The following ANKRD36 variants were observed in gnomAD, a reference collection of about 807,000 sequenced individuals.
ANKRD36 encodes ankyrin repeat domain-containing protein 36A.
In ANKRD36, 179 loss-of-function variants were observed where a neutral mutation model predicts 278.1. The observed-to-expected ratio is 0.64, with a 90% CI of 0.57 to 0.73. ANKRD36 has a LOEUF of 0.73. Ranked by LOEUF, ANKRD36 falls within the 30% of genes least tolerant of loss-of-function variation. The pLI is 0.00. For missense variants in ANKRD36, 1,159 were observed against 1,956.7 expected, an observed-to-expected ratio of 0.59 and a Z score of 7.69; for synonymous variants, 320 against 641.1, an observed-to-expected ratio of 0.50 and a Z score of 7.57.
At chr2:97,178,155 C>T (rs201620661) in intron 22 of ANKRD36, among the ~76,000 whole-genome samples, 1 of 149,666 alleles carries the variant, frequency 6.7e-6, no homozygotes, top group Non-Finnish European at 1.5e-5. Context: ...TTAGAATGGC[C>T]ATCATTAAAA....
chr2:97,133,471 A>G (rs1440242812), intron 6 of ANKRD36, among the ~76,000 whole-genome samples: 2 of 152,080 alleles, frequency 1.3e-5, no homozygotes, highest in Non-Finnish European at 2.9e-5. Flanking sequence ...ATTTAAAATT[A>G]AAATAAAAAA....
chr2:97,135,828 A>G (rs1308497509), intron 6 of ANKRD36, among the ~76,000 whole-genome samples: 2 of 152,036 alleles, frequency 1.3e-5, no homozygotes, highest in Non-Finnish European at 2.9e-5. Context: ...TATGATGTGT[A>G]TACATCTGGA....
Position 97,173,851 on chromosome 2 carries a change from G to A in ANKRD36, c.1634-5887G>A, listed in dbSNP as rs368726953. Among the ~76,000 whole-genome samples, 10 of 151,466 alleles carry A rather than the reference G, an allele frequency of 6.6e-5. No homozygotes were observed. The East Asian group carries it at 1.8e-3, about 27-fold the overall frequency. ...TTTGCACATCAGTGATACATGCTTT[G>A]TTCACATCAGATTTTTGTTTTTTGG... On this transcript the variant is annotated intron_variant, in intron 22 of 75. Coordinates refer to ENST00000420699, the MANE Select transcript of ANKRD36 (RefSeq NM_001354587.1).
chr2:97,185,133 T>C (rs914689226), intron 28 of ANKRD36, among the ~76,000 whole-genome samples, 183 bp from the exon 29 acceptor site: 1 of 151,828 alleles, frequency 6.6e-6, no homozygotes, highest in Non-Finnish European at 1.5e-5. Context: ...GGGTTTATTT[T>C]GTGAAACCTG....
intron 22 of ANKRD36, among the ~76,000 whole-genome samples, chr2:97,173,775 G>C (rs1253711827): frequency 6.6e-6 from 1 of 151,744 alleles, no homozygotes; most frequent in Non-Finnish European, 1.5e-5. Context: ...AGAAGCAGAA[G>C]TTAGAAGGAT....
intron 50 of ANKRD36, among the ~76,000 whole-genome samples, chr2:97,205,736 T>C (rs2062668035): frequency 6.6e-6 from 1 of 151,448 alleles, no homozygotes; most frequent in Non-Finnish European, 1.5e-5. Flanking sequence ...CGTTTGAAAT[T>C]GTAAGGGTAT....
intron 6 of ANKRD36, among the ~76,000 whole-genome samples, chr2:97,137,639 C>G (rs2041882515): frequency 6.6e-6 from 1 of 151,932 alleles, no homozygotes; most frequent in African/African-American, 2.4e-5. Context: ...GGATTACTGG[C>G]TCAAATGGTA....
At chr2:97,176,453 CT>C (rs200588771) in intron 22 of ANKRD36, among the ~76,000 whole-genome samples, 69,649 of 127,826 alleles carry the variant, frequency 0.54, 22,891 homozygotes, top group Non-Finnish European at 0.76. Flanking sequence ...CAACCCCTGC[CT>C]TTTTTTTGTT....
chr2:97,226,120 A>T (rs980039425), intron 67 of ANKRD36, among the ~76,000 whole-genome samples: 1 of 151,668 alleles, frequency 6.6e-6, no homozygotes, highest in African/African-American at 2.4e-5. Context: ...CATGATTTAT[A>T]GTCCTTTGGG....
At chr2:97,200,829 G>A (rs572888790) in intron 46 of ANKRD36, among the ~76,000 whole-genome samples, 4 of 151,968 alleles carry the variant, frequency 2.6e-5, no homozygotes, top group African/African-American at 7.2e-5. Context: ...TTTCATTAAG[G>A]GTGTAAGGAG....
At chr2:97,203,033 C>A (rs2061829862) in intron 48 of ANKRD36, among the ~76,000 whole-genome samples, 1 of 151,810 alleles carries the variant, frequency 6.6e-6, no homozygotes, top group Admixed American at 6.6e-5. Flanking sequence ...TAGAAACACA[C>A]TGACTCATTA....
intron 17 of ANKRD36, among the ~76,000 whole-genome samples, chr2:97,159,737 A>ATAATAAAAATTAATTAATACATAAAT (rs1559395468): frequency 6.6e-6 from 1 of 151,074 alleles, no homozygotes; most frequent in African/African-American, 2.4e-5. Flanking sequence ...ATAATAAAAA[A>ATAATAAAAATTAATTAATACATAAAT]TAATAAAAAT....
At chr2:97,244,154 G>C in intron 70 of ANKRD36, 125 bp downstream of exon 70, 1 of 1,243,552 alleles carries the variant, frequency 8.0e-7, no homozygotes, top group South Asian at 1.7e-5. Flanking sequence ...TCTTAAAAAT[G>C]AATCATGGCA....
At chr2:97,215,878 G>C in intron 62 of ANKRD36, 1 of 522,690 alleles carries the variant, frequency 1.9e-6, no homozygotes, top group Non-Finnish European at 3.3e-6. Context: ...AGGGAAAAGT[G>C]ATCCTAATAC....
chr2:97,145,518 A>G (rs2044036759), intron 10 of ANKRD36, among the ~76,000 whole-genome samples: 1 of 152,112 alleles, frequency 6.6e-6, no homozygotes, highest in South Asian at 2.1e-4. Flanking sequence ...TTTAGTGAAT[A>G]ACATGATCCT....
intron 6 of ANKRD36, among the ~76,000 whole-genome samples, chr2:97,130,634 G>C (rs977357667): frequency 2.2e-5 from 2 of 90,648 alleles, no homozygotes; most frequent in African/African-American, 5.3e-5. Context: ...TGGAGAAGCT[G>C]ATGTCTTTTA....
intron 52 of ANKRD36, among the ~76,000 whole-genome samples, chr2:97,206,641 G>A (rs2062935397): frequency 6.6e-6 from 1 of 151,322 alleles, no homozygotes; most frequent in Non-Finnish European, 1.5e-5. Flanking sequence ...TATAATTTTG[G>A]GGTTTCTGCT....
At chr2:97,200,228 A>G (rs1156696141) in intron 44 of ANKRD36, 106 bp from the exon 45 acceptor site, 19 of 1,586,636 alleles carry the variant, frequency 1.2e-5, no homozygotes, top group Non-Finnish European at 1.5e-5. Context: ...CAAAGCCTCC[A>G]CTAATACAAG....
At chr2:97,153,730 T>G (rs1308793313) in intron 14 of ANKRD36, among the ~76,000 whole-genome samples, 2 of 147,558 alleles carry the variant, frequency 1.4e-5, no homozygotes, top group Non-Finnish European at 3.1e-5. Flanking sequence ...TTGAACCCAA[T>G]GAAAGTGGAT....
Sources: allele counts gnomAD v4.1 joint callset (sites outside exome capture counted in the v4.1 genomes callset), GRCh38; gene constraint gnomAD v4.1.1; transcripts MANE v1.5; gene names NCBI Gene and HGNC (gene_info 2026-07-23, HGNC 2026-07-21).